The following SLC1A6 variants were observed in gnomAD, a reference collection of about 807,000 sequenced individuals.
SLC1A6 encodes excitatory amino acid transporter 4.
Under a neutral mutation model 42.1 loss-of-function variants are expected in SLC1A6, and 15 were observed. That is an observed-to-expected ratio of 0.36 (90% CI 0.24 to 0.55). The LOEUF is 0.55. SLC1A6 is among the 20% of genes least tolerant of loss of function. SLC1A6 has a pLI of 0.88. For synonymous variants in SLC1A6, 317 were observed against 319.7 expected, an observed-to-expected ratio of 0.99 and a Z score of 0.09; for missense variants, 542 against 772.5, an observed-to-expected ratio of 0.70 and a Z score of 3.54.
Position 15,003,660 on chromosome 19 carries a change from CAAAAAA to C in SLC1A6, c.6+6819_6+6824del, listed in dbSNP as rs371118940. Among the ~76,000 whole-genome samples, 15 of 121,986 alleles carry C rather than the reference CAAAAAA, an allele frequency of 1.2e-4. No individual in the cohort carries two copies. In the Admixed American group the frequency reaches 1.3e-3, roughly 11 times the overall value. The allele number at this position is 121,986 out of a possible 152,430, so 80.0% of individuals were successfully genotyped here. A position where few individuals can be genotyped will look rare whatever the true frequency, so the allele number is the denominator to read the frequency against. On this transcript the variant is annotated intron_variant, in intron 1 of 8. Coordinates refer to the SLC1A6 transcript ENST00000430939. Reference sequence around the variant, plus strand: ...AGCGAAGGGCATCTCCATGTAATGCCAAAAAAAAAAAAAAGAAAGAAAAGAAAAGAA... The same window carrying C: ...AGCGAAGGGCATCTCCATGTAATGCCAAAAAAAAGAAAGAAAAGAAAAGAA...
chr19:14,983,719 C>CAAA (rs56657572), upstream of SLC1A6, among the ~76,000 whole-genome samples: 14 of 52,252 alleles, frequency 2.7e-4, no homozygotes, highest in South Asian at 8.3e-4. Flanking sequence ...ACAACAACAC[C>CAAA]AAAAAAAAAA....
At chr19:15,002,197 C>A (rs916226003) in intron 1 of SLC1A6, among the ~76,000 whole-genome samples, 13 of 152,158 alleles carry the variant, frequency 8.5e-5, no homozygotes, top group Non-Finnish European at 1.5e-5. Context: ...TCAAGCGATC[C>A]TCCCACCCCA....
At chr19:14,996,528 T>TTTCTTCTTCTTCTTCTTCTTCTTCTTC (rs200628639) in intron 1 of SLC1A6, among the ~76,000 whole-genome samples, 5,677 of 125,838 alleles carry the variant, frequency 0.045, 504 homozygotes, top group South Asian at 0.059. Context: ...CCTCCTCCTC[T>TTTCTTCTTCTTCTTCTTCTTCTTCTTC]TTCTTCTTCT....
upstream of SLC1A6, among the ~76,000 whole-genome samples, chr19:14,984,188 A>G (rs750344812): frequency 6.6e-5 from 10 of 152,152 alleles, no homozygotes; most frequent in Non-Finnish European, 1.2e-4. Context: ...GCTTGCCTGT[A>G]GTCACAGCTA....
chr19:14,967,380 C>T (rs1324935923), intron 4 of SLC1A6, among the ~76,000 whole-genome samples: 1 of 152,162 alleles, frequency 6.6e-6, no homozygotes, highest in Non-Finnish European at 1.5e-5. Flanking sequence ...GCCACCACCA[C>T]CACCAACAGC....
chr19:14,951,244 T>A (rs2045408539), intron 9 of SLC1A6, among the ~76,000 whole-genome samples: 1 of 80,416 alleles, frequency 1.2e-5, no homozygotes, highest in African/African-American at 5.0e-5. Flanking sequence ...AGAGCAAGAC[T>A]CTGTCTCACA....
intron 8 of SLC1A6, 39 bp downstream of exon 8, chr19:14,954,096 A>G (rs750477958): frequency 1.3e-6 from 2 of 1,530,258 alleles, no homozygotes. Context: ...TGACCGCTTA[A>G]GTCTCACCTG....
intron 1 of SLC1A6, among the ~76,000 whole-genome samples, chr19:14,993,382 C>T (rs1042900987): frequency 6.6e-6 from 1 of 152,106 alleles, no homozygotes; most frequent in East Asian, 1.9e-4. Flanking sequence ...GGTAGCACAG[C>T]ACTGCAAATG....
intron 9 of SLC1A6, among the ~76,000 whole-genome samples, chr19:14,951,078 CAAAAAAAA>C (rs59828742): frequency 6.3e-5 from 5 of 79,806 alleles, no homozygotes; most frequent in African/African-American, 1.5e-4. Flanking sequence ...ACTAAAAATA[CAAAAAAAA>C]AAAAAAAAAA....
intron 1 of SLC1A6, among the ~76,000 whole-genome samples, chr19:14,993,005 C>T (rs1958857164): frequency 6.6e-6 from 1 of 152,126 alleles, no homozygotes; most frequent in African/African-American, 2.4e-5. Flanking sequence ...CTAACAGCTT[C>T]CCCACCGTTC....
In SLC1A6 at chr19:15,007,287, A is replaced by G. The variant is rs148261397; in HGVS notation, c.6+3198T>C. 4.8e-3 allele frequency among the ~76,000 whole-genome samples: 738 copies of G among 152,330 alleles called. 10 individuals are homozygous for G. The highest frequency in any genetic ancestry group is 0.017 in the African/African-American group (714 of 41,578). On this transcript the variant is annotated intron_variant, in intron 1 of 8. Transcript: ENST00000430939. ...TGCTGAGTGAGAGAAACCAGATACA[A>G]AAGGCCACATAGTGTGAGACTCCAT...
intron 6 of SLC1A6, among the ~76,000 whole-genome samples, chr19:14,960,868 T>C (rs1356027138): frequency 1.3e-5 from 2 of 151,904 alleles, no homozygotes; most frequent in Non-Finnish European, 2.9e-5. Flanking sequence ...GTAGGTATAG[T>C]TAAAAACAAT....
intron 4 of SLC1A6, among the ~76,000 whole-genome samples, chr19:14,965,511 A>C (rs1010429938): frequency 6.6e-6 from 1 of 152,232 alleles, no homozygotes; most frequent in African/African-American, 2.4e-5. Context: ...GTGCATAAAG[A>C]ACACATGATA....
chr19:15,000,582 T>A (rs2045867721), intron 1 of SLC1A6, among the ~76,000 whole-genome samples: 1 of 152,222 alleles, frequency 6.6e-6, no homozygotes, highest in African/African-American at 2.4e-5. Context: ...CTATTGTGTA[T>A]ATGTGCCACA....
At chr19:14,970,576 TG>T (rs2045627830) in intron 3 of SLC1A6, among the ~76,000 whole-genome samples, 1 of 151,844 alleles carries the variant, frequency 6.6e-6, no homozygotes, top group Admixed American at 6.6e-5. Flanking sequence ...CCGGGCATGG[TG>T]GCGGGTGCCT....
At position 14,973,129 on chromosome 19, in the gene SLC1A6, G is replaced by T. The variant is rs2045664604; in HGVS notation, c.-7-212C>A. 1.4e-5 allele frequency: 8 copies of T among 555,346 alleles called. No individual in the cohort carries two copies. In the South Asian group the frequency reaches 1.8e-4, roughly 13 times the overall value. The allele number at this position is 555,346 out of a possible 1,614,324, so 34.4% of individuals were successfully genotyped here. A position where few individuals can be genotyped will look rare whatever the true frequency, so the allele number is the denominator to read the frequency against. On this transcript the variant is annotated intron_variant, in intron 1 of 9. Coordinates refer to ENST00000594383, the MANE Select transcript of SLC1A6 (RefSeq NM_005071.3). The stretch of plus-strand genomic sequence containing the variant: ...CGCCCAGGAGTTCAAGACTGGCCTG[G>T]GCAGCTAGGGGTGGTAGTCCTAAAT...
At chr19:15,001,182 T>G (rs35426420) in intron 1 of SLC1A6, among the ~76,000 whole-genome samples, 14,804 of 151,802 alleles carry the variant, frequency 0.098, 886 homozygotes, top group East Asian at 0.2. Context: ...GGCTGGGAAC[T>G]TAGTTATTCA....
At position 14,962,196 on chromosome 19, in the gene SLC1A6, C is replaced by T. The variant is rs1319477909; in HGVS notation, c.741G>A (p.Leu247=). 3 of 1,614,188 alleles carry T rather than the reference C, an allele frequency of 1.9e-6. No homozygotes were observed. The highest frequency in any genetic ancestry group is 2.5e-6 in the Non-Finnish European group (3 of 1,180,030). ...TCTCCTCAAAGCTCAGCATCTCCTG[C>T]AGGGTACCCAAGGCCCGAGTGACAT... ...LENVTRALGT[L]QEMLSFEETV... The change falls in exon 6 of 10, where the codon CTG becomes CTA. Residue 247 remains leucine (L), a synonymous_variant. Coordinates refer to ENST00000594383, the MANE Select transcript of SLC1A6 (RefSeq NM_005071.3).
At chr19:14,957,432 G>A (rs1459593360) in intron 6 of SLC1A6, among the ~76,000 whole-genome samples, 1 of 152,140 alleles carries the variant, frequency 6.6e-6, no homozygotes, top group Non-Finnish European at 1.5e-5. Flanking sequence ...TGAGGGTAGA[G>A]CCATCATGAA....
Sources: allele counts gnomAD v4.1 joint callset (sites outside exome capture counted in the v4.1 genomes callset), GRCh38; gene constraint gnomAD v4.1.1; transcripts MANE v1.5; gene names NCBI Gene and HGNC (gene_info 2026-07-23, HGNC 2026-07-21).